Variants in NTNG1 observed in about 807,000 individuals in gnomAD.
NTNG1 encodes the protein netrin G1.
In NTNG1, 16 loss-of-function variants were observed where a neutral mutation model predicts 54.0. That is an observed-to-expected ratio of 0.30 (90% CI 0.20 to 0.45). NTNG1 has a LOEUF of 0.45. Among genes scored for constraint, NTNG1 ranks in the 20% least tolerant of loss-of-function variants. The pLI, the probability that NTNG1 is intolerant of heterozygous loss-of-function variation, is 1.00. For synonymous variants in NTNG1, 255 were observed against 263.1 expected (o/e 0.97, Z 0.30); for missense variants, 530 against 678.7 (o/e 0.78, Z 2.43).
chr1:107,386,177 T>TTTC (rs1671985399), intron 3 of NTNG1, among the ~76,000 whole-genome samples: 1 of 136,384 alleles, frequency 7.3e-6, no homozygotes, highest in Non-Finnish European at 1.6e-5. Context: ...TTTTTTTTTT[T>TTTC]TCTTCCTTTG....
intron 2 of NTNG1, among the ~76,000 whole-genome samples, chr1:107,180,435 G>A (rs900235416): frequency 3.3e-5 from 5 of 152,036 alleles, no homozygotes; most frequent in Non-Finnish European, 5.9e-5. Flanking sequence ...ACATAAATAT[G>A]CATTTAAGTG....
At chr1:107,197,871 A>G (rs1370295806) in intron 2 of NTNG1, among the ~76,000 whole-genome samples, 1 of 152,040 alleles carries the variant, frequency 6.6e-6, no homozygotes, top group Non-Finnish European at 1.5e-5. Flanking sequence ...ATTTTAAATC[A>G]TAAGCTCATC....
In NTNG1 at chr1:107,459,759, G is replaced by A. The variant is rs940319604; in HGVS notation, c.1391-20852G>A. Among the ~76,000 whole-genome samples the A allele has an allele frequency of 1.1e-4, 17 of 152,138 alleles. 1 individual carries two copies. The highest frequency in any genetic ancestry group is 7.9e-4 in the Admixed American group (12 of 15,282). On this transcript the variant is annotated intron_variant, in intron 7 of 7. Transcript: ENST00000370068. ...AGAATAGAGCACTTTAACCTAGAACGTTGCTCAAACGAGCTGTCCCAATAC... is the reference window on the plus strand; with the variant it reads ...AGAATAGAGCACTTTAACCTAGAACATTGCTCAAACGAGCTGTCCCAATAC...
intron 2 of NTNG1, among the ~76,000 whole-genome samples, chr1:107,223,915 C>G (rs1660514010): frequency 6.6e-6 from 1 of 152,098 alleles, no homozygotes; most frequent in African/African-American, 2.4e-5. Context: ...TGAAGAATTT[C>G]AGAGACAACT....
chr1:107,280,122 T>A (rs1034811800), intron 2 of NTNG1, among the ~76,000 whole-genome samples: 1 of 151,212 alleles, frequency 6.6e-6, no homozygotes, highest in Non-Finnish European at 1.5e-5. Context: ...TTAATTTATA[T>A]CTCCTAAAGA....
At position 107,276,455 on chromosome 1, in the gene NTNG1, T is replaced by C. The variant is rs146917394; in HGVS notation, c.247-47827T>C. ...GCCATACCTTCTGATTGGAAGCTTT[T>C]CTTCCTGCATTCTTAACATGGAGAA... On this transcript the variant is annotated intron_variant, in intron 2 of 7. Transcript: ENST00000370068. 2.0e-3 allele frequency among the ~76,000 whole-genome samples: 297 copies of C among 152,162 alleles called. 1 individual carries two copies. Among genetic ancestry groups the C allele is most frequent in the African/African-American group, 6.9e-3 (288 of 41,498 alleles).
intron 7 of NTNG1, among the ~76,000 whole-genome samples, chr1:107,448,942 A>G (rs1676462409): frequency 6.6e-6 from 1 of 152,146 alleles, no homozygotes; most frequent in Non-Finnish European, 1.5e-5. Context: ...AATATATCAA[A>G]AGGAAATACA....
intron 2 of NTNG1, among the ~76,000 whole-genome samples, chr1:107,273,585 G>A (rs1664286613): frequency 1.3e-5 from 2 of 152,200 alleles, no homozygotes; most frequent in African/African-American, 4.8e-5. Context: ...GTCTGCCACA[G>A]AATGCCTCAT....
intron 2 of NTNG1, among the ~76,000 whole-genome samples, chr1:107,312,756 A>G (rs1291614667): frequency 6.6e-6 from 1 of 152,184 alleles, no homozygotes. Context: ...TAATCTTTAC[A>G]TACCACTGCA....
intron 2 of NTNG1, among the ~76,000 whole-genome samples, chr1:107,219,124 TTTGTC>T (rs2101449919): frequency 6.6e-6 from 1 of 151,006 alleles, no homozygotes; most frequent in African/African-American, 2.4e-5. Context: ...ATTTTTTTTT[TTTGTC>T]TTTAATAGAT....
At chr1:107,440,715 G>A (rs1460234826) in intron 7 of NTNG1, among the ~76,000 whole-genome samples, 5 of 152,258 alleles carry the variant, frequency 3.3e-5, no homozygotes. Flanking sequence ...CTCCTGGTTA[G>A]AGACAAGACG....
chr1:107,204,239 A>T (rs894846000), intron 2 of NTNG1, among the ~76,000 whole-genome samples: 26 of 152,042 alleles, frequency 1.7e-4, no homozygotes, highest in African/African-American at 6.0e-4. Context: ...TTTTGGTTTG[A>T]TATAGCAGAT....
At chr1:107,404,217 A>T (rs1246449398) in intron 4 of NTNG1, among the ~76,000 whole-genome samples, 1 of 152,064 alleles carries the variant, frequency 6.6e-6, no homozygotes, top group Non-Finnish European at 1.5e-5. Context: ...GAAAAAAGAC[A>T]AATACAAATG....
chr1:107,169,360 G>C (rs1191813540), intron 2 of NTNG1, among the ~76,000 whole-genome samples: 1 of 152,124 alleles, frequency 6.6e-6, no homozygotes, highest in Admixed American at 6.6e-5. Flanking sequence ...GTATACAAGT[G>C]CAGTTTTGTT....
chr1:107,164,069 T>C (rs1655595994), intron 2 of NTNG1, among the ~76,000 whole-genome samples: 1 of 152,242 alleles, frequency 6.6e-6, no homozygotes, highest in Non-Finnish European at 1.5e-5. Flanking sequence ...CTTACTCCAG[T>C]TGCATTTTTT....
chr1:107,174,401 T>G (rs182131539), intron 2 of NTNG1, among the ~76,000 whole-genome samples: 8 of 152,200 alleles, frequency 5.3e-5, no homozygotes, highest in Admixed American at 5.2e-4. Context: ...GTGTGTGTGT[T>G]TTTGCCTACT....
chr1:107,297,292 T>C (rs1254185966), intron 2 of NTNG1, among the ~76,000 whole-genome samples: 2 of 146,664 alleles, frequency 1.4e-5, no homozygotes, highest in Admixed American at 6.9e-5. Flanking sequence ...ATGTTGTAAA[T>C]TGAAGATTGA....
At position 107,366,386 on chromosome 1, in the gene NTNG1, A is replaced by G. The variant is rs141978882; in HGVS notation, c.888-28768A>G. On this transcript the variant is annotated intron_variant, in intron 3 of 7. Transcript: ENST00000370068. Reference sequence around the variant, plus strand: ...CTGAACAGATGTAAGGGCACTTTTAATTAAATATAGACCCAAAAAATCTGT... The same window carrying G: ...CTGAACAGATGTAAGGGCACTTTTAGTTAAATATAGACCCAAAAAATCTGT... 2.0e-5 allele frequency among the ~76,000 whole-genome samples: 3 copies of G among 152,314 alleles called. No homozygotes were observed. The East Asian group carries it at 5.8e-4, about 29-fold the overall frequency.
chr1:107,214,799 T>TA (rs1255395638), intron 2 of NTNG1, among the ~76,000 whole-genome samples: 1 of 151,792 alleles, frequency 6.6e-6, no homozygotes, highest in Non-Finnish European at 1.5e-5. Context: ...CATTTTTTTT[T>TA]TTTCAATTTT....
Sources: gnomAD v4.1 joint callset for allele counts (sites outside exome capture counted in the v4.1 genomes callset) on GRCh38, gnomAD v4.1.1 for gene constraint, MANE v1.5 for transcripts, NCBI Gene and HGNC (gene_info 2026-07-23, HGNC 2026-07-21) for gene names.